The following DTD1 variants were observed in gnomAD, a reference collection of about 807,000 sequenced individuals.
DTD1 encodes D-aminoacyl-tRNA deacylase 1.
A neutral mutation model predicts 25.6 loss-of-function variants in DTD1; 13 were observed. The observed-to-expected ratio is 0.51, with a 90% CI of 0.33 to 0.81. The LOEUF is 0.81. Ranked by LOEUF, DTD1 falls within the 30% of genes least tolerant of loss-of-function variation. The pLI is 0.02. For synonymous variants in DTD1, 110 were observed against 103.6 expected (o/e 1.06, Z -0.37); for missense variants, 193 against 266.4 (o/e 0.72, Z 1.92).
At chr20:18,689,084 C>G (rs1009015951) in intron 4 of DTD1, among the ~76,000 whole-genome samples, 2 of 152,168 alleles carry the variant, frequency 1.3e-5, no homozygotes, top group African/African-American at 2.4e-5. Flanking sequence ...ATGCGTGGAC[C>G]GTAATAGAGA....
chr20:18,684,468 G>T (rs2061009124), intron 4 of DTD1, among the ~76,000 whole-genome samples: 2 of 151,994 alleles, frequency 1.3e-5, no homozygotes. Context: ...TATATTTTTA[G>T]AAGAGATGGG....
chr20:18,726,161 G>A (rs74785766), intron 4 of DTD1, among the ~76,000 whole-genome samples: 14,605 of 152,192 alleles, frequency 0.096, 797 homozygotes, highest in South Asian at 0.14. Context: ...GTGGAGTGGA[G>A]TCGCCTCTGG....
intron 2 of DTD1, among the ~76,000 whole-genome samples, chr20:18,594,874 T>C (rs556556441): frequency 1.3e-5 from 2 of 152,306 alleles, no homozygotes; most frequent in South Asian, 4.1e-4. Context: ...GCTTAAGAGA[T>C]GTGATTCAAC....
At chr20:18,752,635 A>G (rs962153676) in intron 5 of DTD1, among the ~76,000 whole-genome samples, 3 of 152,206 alleles carry the variant, frequency 2.0e-5, no homozygotes, top group Non-Finnish European at 2.9e-5. Flanking sequence ...TCATAGTTTT[A>G]AAAAGTTCCC....
chr20:18,645,351 G>A (rs182425010), intron 4 of DTD1, among the ~76,000 whole-genome samples: 4 of 152,160 alleles, frequency 2.6e-5, no homozygotes, highest in African/African-American at 9.7e-5. Flanking sequence ...TTACATACCC[G>A]CAGGGAGAAA....
At chr20:18,701,111 A>G (rs2061102955) in intron 4 of DTD1, among the ~76,000 whole-genome samples, 1 of 152,168 alleles carries the variant, frequency 6.6e-6, no homozygotes, top group South Asian at 2.1e-4. Flanking sequence ...GTTGTTGTTT[A>G]TGGGGGCATT....
chr20:18,713,670 T>C (rs1433375068), intron 4 of DTD1, among the ~76,000 whole-genome samples: 1 of 152,226 alleles, frequency 6.6e-6, no homozygotes, highest in African/African-American at 2.4e-5. Context: ...TGCATTGGTC[T>C]TCCCTGGACA....
At chr20:18,609,149 A>ATT (rs200277859) in intron 3 of DTD1, among the ~76,000 whole-genome samples, 7 of 146,890 alleles carry the variant, frequency 4.8e-5, no homozygotes, top group Non-Finnish European at 7.5e-5. Flanking sequence ...TATTAACTTT[A>ATT]TTTTTTTTTT....
intron 4 of DTD1, among the ~76,000 whole-genome samples, chr20:18,721,986 G>T (rs893357464): frequency 1.3e-5 from 2 of 152,170 alleles, no homozygotes; most frequent in African/African-American, 2.4e-5. Flanking sequence ...GCAACCCCAG[G>T]GCTCCATGAG....
chr20:18,737,798 GA>G (rs762235470), intron 4 of DTD1, among the ~76,000 whole-genome samples: 17 of 152,258 alleles, frequency 1.1e-4, no homozygotes, highest in Non-Finnish European at 2.2e-4. Context: ...AAGGATGGAC[GA>G]ATTGAGTCCT....
chr20:18,640,735 A>G (rs1037264338), intron 4 of DTD1, among the ~76,000 whole-genome samples: 1 of 151,698 alleles, frequency 6.6e-6, no homozygotes, highest in African/African-American at 2.4e-5. Flanking sequence ...GATTCAAGCA[A>G]TTCTCCTGCC....
chr20:18,709,112 G>A (rs991458220), intron 4 of DTD1, among the ~76,000 whole-genome samples: 3 of 152,176 alleles, frequency 2.0e-5, no homozygotes, highest in African/African-American at 7.2e-5. Context: ...GCATATTGAT[G>A]TACAGAGCGT....
At chr20:18,761,436 C>T (rs989604005) in intron 5 of DTD1, among the ~76,000 whole-genome samples, 14 of 152,124 alleles carry the variant, frequency 9.2e-5, no homozygotes, top group Non-Finnish European at 2.1e-4. Flanking sequence ...ACATCTGTTT[C>T]TCTAACTTTA....
intron 4 of DTD1, chr20:18,630,312 T>C (rs1185716827): frequency 6.6e-6 from 1 of 152,086 alleles, no homozygotes; most frequent in Non-Finnish European, 1.5e-5. Context: ...TATAGTACTA[T>C]TATATTAACT....
chr20:18,736,435 T>C (rs1468282255), intron 4 of DTD1, among the ~76,000 whole-genome samples: 1 of 152,198 alleles, frequency 6.6e-6, no homozygotes, highest in African/African-American at 2.4e-5. Flanking sequence ...TCCTTATTCA[T>C]TTCATGTTCT....
chr20:18,642,516 A>G (rs6081268), intron 4 of DTD1, among the ~76,000 whole-genome samples: 77,318 of 151,760 alleles, frequency 0.51, 20,055 homozygotes, highest in Middle Eastern at 0.57. Flanking sequence ...CAATATTCCT[A>G]CCTCTGCCTC....
chr20:18,594,094 C>T (rs752536168), intron 2 of DTD1, among the ~76,000 whole-genome samples: 3 of 152,162 alleles, frequency 2.0e-5, no homozygotes, highest in Admixed American at 6.5e-5. Flanking sequence ...GTTCTCTTAA[C>T]GCAAAAACCA....
chr20:18,599,207 C>G (rs748601988), intron 3 of DTD1, among the ~76,000 whole-genome samples: 1 of 152,062 alleles, frequency 6.6e-6, no homozygotes. Context: ...TGGAGTTTTG[C>G]TCTGTTGCCC....
intron 4 of DTD1, among the ~76,000 whole-genome samples, chr20:18,685,710 T>C (rs2061014056): frequency 6.6e-6 from 1 of 152,202 alleles, no homozygotes; most frequent in East Asian, 1.9e-4. Context: ...TTGTTTTAGC[T>C]CTCTTTTCTC....
Sources: gnomAD v4.1 joint callset for allele counts (sites outside exome capture counted in the v4.1 genomes callset) on GRCh38, gnomAD v4.1.1 for gene constraint, MANE v1.5 for transcripts, NCBI Gene and HGNC (gene_info 2026-07-23, HGNC 2026-07-21) for gene names.